The following BRINP1 variants were observed in gnomAD, a reference collection of about 807,000 sequenced individuals.
BRINP1 encodes the protein BMP/retinoic acid inducible neural specific 1.
A neutral mutation model predicts 72.9 loss-of-function variants in BRINP1; 17 were observed. The observed-to-expected ratio is 0.23, with a 90% confidence interval of 0.16 to 0.35. The LOEUF (loss-of-function observed/expected upper bound fraction) is 0.35, where lower values mean the gene tolerates loss of function less well. BRINP1 is among the 10% of genes least tolerant of loss of function. The pLI is 1.00. For synonymous variants in BRINP1, 418 were observed against 378.5 expected (o/e 1.10, Z -1.21); for missense variants, 850 against 1,001.6 (o/e 0.85, Z 2.04).
intron 2 of BRINP1, among the ~76,000 whole-genome samples, chr9:119,257,849 C>T (rs549543303): frequency 1.3e-5 from 2 of 152,080 alleles, no homozygotes; most frequent in African/African-American, 2.4e-5. Context: ...TGCATCTTAA[C>T]GAGAGGGTGT....
chr9:119,328,674 A>T (rs1204179294), intron 1 of BRINP1, among the ~76,000 whole-genome samples: 1 of 152,190 alleles, frequency 6.6e-6, no homozygotes, highest in Non-Finnish European at 1.5e-5. Context: ...AAATCTGTAA[A>T]ACCCAAATTA....
chr9:119,213,842 T>C (rs1433490642), intron 6 of BRINP1, 77 bp downstream of exon 6: 3 of 1,302,896 alleles, frequency 2.3e-6, no homozygotes, highest in Non-Finnish European at 1.1e-6. Context: ...GCAGCAGTCC[T>C]AATTCCAGTT....
intron 1 of BRINP1, among the ~76,000 whole-genome samples, chr9:119,334,270 G>C (rs940307196): frequency 6.6e-6 from 1 of 152,188 alleles, no homozygotes; most frequent in Non-Finnish European, 1.5e-5. Flanking sequence ...ATGCCAACCA[G>C]CAGGAGCAGG....
intron 2 of BRINP1, among the ~76,000 whole-genome samples, chr9:119,258,196 C>T (rs879701728): frequency 1.1e-4 from 17 of 152,120 alleles, no homozygotes; most frequent in Non-Finnish European, 2.5e-4. Context: ...AAGGCTCTTA[C>T]GGGGCTGAAT....
chr9:119,250,439 T>C (rs1830374838), intron 2 of BRINP1, among the ~76,000 whole-genome samples: 1 of 152,202 alleles, frequency 6.6e-6, no homozygotes, highest in African/African-American at 2.4e-5. Flanking sequence ...TTACAAATTA[T>C]GTGTTGTGAT....
At chr9:119,364,603 T>TCC in intron 1 of BRINP1, among the ~76,000 whole-genome samples, 1 of 152,132 alleles carries the variant, frequency 6.6e-6, no homozygotes, top group South Asian at 2.1e-4. Flanking sequence ...AACTCAGTGG[T>TCC]CCAGTGAAAA....
chr9:119,286,472 G>T (rs568861336), intron 2 of BRINP1, among the ~76,000 whole-genome samples: 8 of 152,274 alleles, frequency 5.3e-5, no homozygotes, highest in African/African-American at 1.9e-4. Flanking sequence ...CTGACCTTGC[G>T]ATCCGCCCAC....
intron 5 of BRINP1, among the ~76,000 whole-genome samples, chr9:119,237,795 C>T (rs1054447079): frequency 7.3e-5 from 11 of 151,672 alleles, no homozygotes; most frequent in African/African-American, 2.4e-4. Context: ...CTGAATAGCT[C>T]GGACTATAGG....
chr9:119,201,242 A>G lies in BRINP1; in HGVS notation c.1145+7477T>C, dbSNP rs191025568. On this transcript the variant is annotated intron_variant, in intron 7 of 7. Coordinates refer to ENST00000265922, the MANE Select transcript of BRINP1 (RefSeq NM_014618.3). ...TCAGGCAAAAGAAGATTTTACTTTG[A>G]ACTATAGGCTACTCATTAAAATTGA... Among the ~76,000 whole-genome samples, 4 of 152,310 alleles carry G rather than the reference A, an allele frequency of 2.6e-5. No individual in the cohort carries two copies. In the East Asian group the frequency reaches 7.7e-4, roughly 29 times the overall value.
intron 2 of BRINP1, among the ~76,000 whole-genome samples, chr9:119,271,985 T>A (rs376964233): frequency 1.4e-4 from 21 of 151,898 alleles, no homozygotes; most frequent in African/African-American, 4.1e-4. Context: ...ATAGGCATAA[T>A]CTTGTTTCCC....
intron 2 of BRINP1, among the ~76,000 whole-genome samples, chr9:119,263,915 C>G (rs1463162492): frequency 6.6e-6 from 1 of 152,096 alleles, no homozygotes; most frequent in Non-Finnish European, 1.5e-5. Flanking sequence ...GCCAACAATT[C>G]TTAAATAAAT....
chr9:119,198,607 T>A (rs1829770358), intron 7 of BRINP1, among the ~76,000 whole-genome samples: 1 of 152,204 alleles, frequency 6.6e-6, no homozygotes, highest in Non-Finnish European at 1.5e-5. Context: ...TAGAAAGTGT[T>A]GTCATCAATT....
Position 119,167,278 on chromosome 9 carries a change from C to T in BRINP1, c.2092G>A (p.Asp698Asn). ...AGGCGATTAATTCGGTCCCGAATAT[C>T]CAACAAGAGGAGCATCACTGACGAA... ...SSSSVMLLLL[D>N]IRDRINRLAP... The change falls in exon 8 of 8, where the codon GAT (aspartate) becomes AAT (asparagine). Residue 698 changes from aspartate (D) to asparagine (N), a missense_variant. Asp to Asn is a conservative substitution (Grantham distance 23). Transcript: ENST00000265922. The surrounding 1 kb of genome is among the most constrained non-coding windows in gnomAD (Gnocchi z 4.3). The T allele has an allele frequency of 6.2e-7, 1 of 1,614,164 alleles. No homozygotes were observed.
At chr9:119,179,578 C>G (rs1280689614) in intron 7 of BRINP1, among the ~76,000 whole-genome samples, 1 of 152,138 alleles carries the variant, frequency 6.6e-6, no homozygotes, top group Non-Finnish European at 1.5e-5. Context: ...ATCAGTGTTT[C>G]TTAAGTGTTT....
In BRINP1 at chr9:119,178,970, C is replaced by G. The variant is rs567778257; in HGVS notation, c.1146-10746G>C. ...ACATTCCTTGCTTCCTCTGGACCTGCCAGGGTCCCTCTCCTCCACTCACAG... is the reference window on the plus strand; with the variant it reads ...ACATTCCTTGCTTCCTCTGGACCTGGCAGGGTCCCTCTCCTCCACTCACAG... On this transcript the variant is annotated intron_variant, in intron 7 of 7. Coordinates refer to ENST00000265922, the MANE Select transcript of BRINP1 (RefSeq NM_014618.3). Among the ~76,000 whole-genome samples, 17 of 152,276 alleles carry G rather than the reference C, an allele frequency of 1.1e-4. No individual in the cohort carries two copies. The East Asian group carries it at 3.3e-3, about 29-fold the overall frequency.
In BRINP1 at chr9:119,214,067, G is replaced by A; in HGVS notation, c.774C>T (p.Tyr258=). ...SYIMCNGEGE[Y]LCQNSQCRCQ... is the part of the protein sequence containing the mutation. ...AGCGACACTGGCTGTTCTGGCACAG[G>A]TACTCCCCCTCCCCATTGCACATGA... Residue 258 remains tyrosine (Y), a synonymous_variant, in exon 6 of 8, where the codon TAC becomes TAT. Transcript: ENST00000265922. The A allele has an allele frequency of 6.2e-7, 1 of 1,614,140 alleles. No individual in the cohort carries two copies. Among genetic ancestry groups the A allele is most frequent in the South Asian group, 1.1e-5 (1 of 91,084 alleles).
At chr9:119,233,168 A>G (rs950881874) in intron 5 of BRINP1, among the ~76,000 whole-genome samples, 1 of 152,080 alleles carries the variant, frequency 6.6e-6, no homozygotes, top group Non-Finnish European at 1.5e-5. Flanking sequence ...TCCCAGCCTC[A>G]TTCAAAGGAA....
intron 2 of BRINP1, among the ~76,000 whole-genome samples, chr9:119,281,802 GT>G (rs1272038382): frequency 2.6e-5 from 4 of 152,190 alleles, no homozygotes; most frequent in Admixed American, 2.6e-4. Context: ...ATATATCATG[GT>G]TTTTTTCCAG....
intron 6 of BRINP1, among the ~76,000 whole-genome samples, chr9:119,211,196 ATTTATTTATTTATTTT>A (rs1480846909): frequency 1.2e-3 from 160 of 138,744 alleles, no homozygotes; most frequent in African/African-American, 4.5e-3. Flanking sequence ...TTATTTATTT[ATTTATTTATTTATTTT>A]TTGAGACACA....
Sources: gnomAD v4.1 joint callset for allele counts (sites outside exome capture counted in the v4.1 genomes callset) on GRCh38, gnomAD v4.1.1 for gene constraint, Gnocchi (gnomAD v3.1) non-coding constraint, MANE v1.5 for transcripts, NCBI Gene and HGNC (gene_info 2026-07-23, HGNC 2026-07-21) for gene names.